Variants in BIN3 observed in about 807,000 individuals in gnomAD.
BIN3 encodes bridging integrator 3.
In BIN3, 41 loss-of-function variants were observed where a neutral mutation model predicts 38.2. The ratio of observed to expected loss-of-function variants is 1.07; its 90% CI spans 0.84 to 1.39. BIN3 has a LOEUF of 1.39. Among genes scored for constraint, BIN3 ranks in the 40% most tolerant of loss-of-function variants. The pLI, the probability that BIN3 is intolerant of heterozygous loss-of-function variation, is 0.00. For missense variants in BIN3, 361 were observed against 324.3 expected (o/e 1.11, Z -0.87); for synonymous variants, 145 against 122.6 (o/e 1.18, Z -1.21).
At chr8:22,626,830 A>T (rs1802022299) in intron 6 of BIN3, among the ~76,000 whole-genome samples, 1 of 151,928 alleles carries the variant, frequency 6.6e-6, no homozygotes, top group African/African-American at 2.4e-5. Flanking sequence ...CCCCTGAGGC[A>T]CTCTCATAGC....
intron 1 of BIN3, among the ~76,000 whole-genome samples, chr8:22,652,461 G>A (rs947345177): frequency 3.3e-5 from 5 of 152,198 alleles, no homozygotes; most frequent in East Asian, 1.9e-4. Context: ...CTGGGAACTC[G>A]GCAATGGAAG....
chr8:22,639,686 T>G (rs1022564111), intron 2 of BIN3, among the ~76,000 whole-genome samples: 1 of 152,202 alleles, frequency 6.6e-6, no homozygotes, highest in African/African-American at 2.4e-5. Context: ...TCCTGCTCAC[T>G]GGGGTGCTGG....
intron 6 of BIN3, chr8:22,624,665 C>T: frequency 3.0e-6 from 1 of 328,274 alleles, no homozygotes; most frequent in Non-Finnish European, 5.6e-6. Flanking sequence ...TGGGCCAGGT[C>T]CAGGGAGCTG....
chr8:22,664,234 C>G (rs1458761837), intron 1 of BIN3, among the ~76,000 whole-genome samples: 1 of 152,246 alleles, frequency 6.6e-6, no homozygotes, highest in Non-Finnish European at 1.5e-5. Flanking sequence ...GACTAAGTAG[C>G]TGTGGGACTC....
At chr8:22,668,907 G>T in intron 1 of BIN3, 137 bp downstream of exon 1, 2 of 1,139,120 alleles carry the variant, frequency 1.8e-6, no homozygotes, top group South Asian at 2.9e-5. Context: ...CGACCCTAGG[G>T]CAGGGGCTGT....
chr8:22,621,394 A>C lies in BIN3; in HGVS notation c.*28T>G. On this transcript the variant is annotated 3_prime_UTR_variant, in exon 9 of 9. Coordinates refer to ENST00000276416, the MANE Select transcript of BIN3 (RefSeq NM_018688.6). The stretch of plus-strand genomic sequence containing the variant: ...AAGGATGAATGAGGCTGACCACGTC[A>C]CAGGAGTCCTCCAAGAGTGACGGGG... 6.2e-7 allele frequency: 1 copy of C among 1,604,076 alleles called. No homozygotes were observed. Among genetic ancestry groups the C allele is most frequent in the Non-Finnish European group, 8.5e-7 (1 of 1,175,396 alleles).
Position 22,621,254 on chromosome 8 carries a change from C to G in BIN3, c.*168G>C, listed in dbSNP as rs973159375. Reference sequence around the variant, plus strand: ...TGTGAGTGGGGAGACGGCGGCCTGCCTAGGGCTCCTGGTGCCAGGCTCAGG... The same window carrying G: ...TGTGAGTGGGGAGACGGCGGCCTGCGTAGGGCTCCTGGTGCCAGGCTCAGG... On this transcript the variant is annotated 3_prime_UTR_variant, in exon 9 of 9. Transcript: ENST00000276416. The G allele has an allele frequency of 2.2e-6, 2 of 916,822 alleles. No individual in the cohort carries two copies. The highest frequency in any genetic ancestry group is 3.2e-6 in the Non-Finnish European group (2 of 623,366). 56.8% of individuals were successfully genotyped at this position (916,822 alleles called of 1,614,324 possible). A position where few individuals can be genotyped will look rare whatever the true frequency, so the allele number is the denominator to read the frequency against.
intron 1 of BIN3, among the ~76,000 whole-genome samples, chr8:22,648,048 TG>T (rs1802767335): frequency 6.9e-6 from 1 of 143,972 alleles, no homozygotes; most frequent in Non-Finnish European, 1.5e-5. Flanking sequence ...GGCAGGAGAA[TG>T]GCATGAGCCT....
At chr8:22,648,532 TAGA>T (rs548016743) in intron 1 of BIN3, among the ~76,000 whole-genome samples, 1 of 152,156 alleles carries the variant, frequency 6.6e-6, no homozygotes, top group Admixed American at 6.5e-5. Flanking sequence ...GCTTTTGGGG[TAGA>T]AGATCACAGA....
intron 1 of BIN3, among the ~76,000 whole-genome samples, chr8:22,655,083 T>C (rs1803014665): frequency 6.6e-6 from 1 of 152,254 alleles, no homozygotes; most frequent in Non-Finnish European, 1.5e-5. Context: ...TTTCATGTGT[T>C]CATTTGTATA....
At chr8:22,625,549 C>A in intron 6 of BIN3, 1 of 642,656 alleles carries the variant, frequency 1.6e-6, no homozygotes, top group Admixed American at 2.3e-5. Context: ...TCAGCTACCA[C>A]ACAGAGCAGG....
chr8:22,644,800 A>C lies in BIN3; in HGVS notation c.12T>G (p.Ile4Met), dbSNP rs202181688. Residue 4 changes from isoleucine (I) to methionine (M), a missense_variant, in exon 2 of 9, where the codon ATT (isoleucine) becomes ATG (methionine). Coordinates refer to ENST00000276416, the MANE Select transcript of BIN3 (RefSeq NM_018688.6). Reference protein sequence around the residue: MSWIPFKIGQPKKQ... With the variant: MSWMPFKIGQPKKQ... ...TCTTGGGCTGCCCAATCTTAAAAGG[A>C]ATCCTATAAGAGAAAGAGACAAAGA... The C allele has an allele frequency of 3.7e-5, 60 of 1,609,874 alleles. No individual in the cohort carries two copies. The highest frequency in any genetic ancestry group is 4.6e-5 in the Non-Finnish European group (54 of 1,177,816).
At chr8:22,663,691 G>A (rs566577170) in intron 1 of BIN3, among the ~76,000 whole-genome samples, 5 of 152,218 alleles carry the variant, frequency 3.3e-5, no homozygotes, top group African/African-American at 9.6e-5. Context: ...CCCCAATGCA[G>A]CCTCTACCCA....
intron 4 of BIN3, among the ~76,000 whole-genome samples, chr8:22,631,613 C>T (rs986158252): frequency 3.3e-5 from 5 of 152,244 alleles, no homozygotes; most frequent in African/African-American, 1.2e-4. Context: ...TGGGCAGCTG[C>T]TTCCCTGTTC....
At chr8:22,659,619 TG>T (rs1469107211) in intron 1 of BIN3, among the ~76,000 whole-genome samples, 1 of 152,210 alleles carries the variant, frequency 6.6e-6, no homozygotes, top group Non-Finnish European at 1.5e-5. Context: ...TCCGTTTATT[TG>T]AAGTGTCCAC....
intron 1 of BIN3, among the ~76,000 whole-genome samples, chr8:22,664,373 G>C (rs939747371): frequency 3.3e-5 from 5 of 152,208 alleles, no homozygotes; most frequent in Admixed American, 6.5e-5. Flanking sequence ...CTGTCTTCAA[G>C]GCATTACTAT....
chr8:22,621,970 C>T (rs1206703849), intron 8 of BIN3, among the ~76,000 whole-genome samples: 1 of 152,236 alleles, frequency 6.6e-6, no homozygotes, highest in Admixed American at 6.5e-5. Flanking sequence ...TCCCAAAGCC[C>T]TAAGCCAGCT....
chr8:22,655,929 T>C (rs1803043537), intron 1 of BIN3, among the ~76,000 whole-genome samples: 1 of 152,196 alleles, frequency 6.6e-6, no homozygotes, highest in Admixed American at 6.5e-5. Context: ...ATCTACCCTT[T>C]TGCCAATAAC....
At chr8:22,662,737 A>C (rs919761763) in intron 1 of BIN3, among the ~76,000 whole-genome samples, 1 of 152,220 alleles carries the variant, frequency 6.6e-6, no homozygotes, top group Admixed American at 6.5e-5. Flanking sequence ...ACAGTCTTCC[A>C]TTATATACAT....
Sources: gnomAD v4.1 joint callset for allele counts (sites outside exome capture counted in the v4.1 genomes callset) on GRCh38, gnomAD v4.1.1 for gene constraint, MANE v1.5 for transcripts, NCBI Gene and HGNC (gene_info 2026-07-23, HGNC 2026-07-21) for gene names.